The following SMYD3 variants were observed in gnomAD, a reference collection of about 807,000 sequenced individuals.
The protein encoded by SMYD3 is SET and MYND domain containing 3.
In SMYD3, 36 loss-of-function variants were observed where a neutral mutation model predicts 57.7. That is an observed-to-expected ratio of 0.62 (90% CI 0.48 to 0.82). SMYD3 has a LOEUF of 0.82. SMYD3 is among the 40% of genes least tolerant of loss of function. The pLI is 0.00. For missense variants in SMYD3, 515 were observed against 538.8 expected (o/e 0.96, Z 0.44); for synonymous variants, 211 against 195.0 (o/e 1.08, Z -0.68).
At chr1:245,851,589 T>C (rs1187970666) in intron 10 of SMYD3, among the ~76,000 whole-genome samples, 1 of 152,200 alleles carries the variant, frequency 6.6e-6, no homozygotes, top group Non-Finnish European at 1.5e-5. Flanking sequence ...TAAAGCCCCA[T>C]GCCTGCTAGC....
chr1:246,096,282 T>C (rs2060913334), intron 5 of SMYD3: 1 of 152,212 alleles, frequency 6.6e-6, no homozygotes, highest in Non-Finnish European at 1.5e-5. Context: ...GCTTTGTGTC[T>C]TGCGCATCAA....
intron 5 of SMYD3, chr1:246,052,968 G>A (rs1305515875): frequency 6.6e-6 from 1 of 152,328 alleles, no homozygotes; most frequent in East Asian, 1.9e-4. Flanking sequence ...CAGCCTCAGT[G>A]GCTCACGCCT....
intron 5 of SMYD3, chr1:245,930,161 G>GAT: frequency 1.4e-5 from 6 of 440,262 alleles, no homozygotes; most frequent in East Asian, 4.4e-5. Flanking sequence ...AACCTCCTGG[G>GAT]AGAAAAAAAA....
At chr1:245,846,109 G>A (rs1210558736) in intron 10 of SMYD3, among the ~76,000 whole-genome samples, 3 of 152,210 alleles carry the variant, frequency 2.0e-5, no homozygotes, top group Non-Finnish European at 4.4e-5. Flanking sequence ...GGGGGAAGAA[G>A]CTGCTGGAAG....
At chr1:246,147,608 T>G (rs2061871752) in intron 5 of SMYD3, among the ~76,000 whole-genome samples, 1 of 151,650 alleles carries the variant, frequency 6.6e-6, no homozygotes. Flanking sequence ...CCAGGCTTCC[T>G]GCTCTATGGA....
intron 1 of SMYD3, among the ~76,000 whole-genome samples, chr1:246,498,547 T>C (rs192843110): frequency 1.1e-3 from 173 of 152,110 alleles, no homozygotes; most frequent in Admixed American, 1.8e-3. Flanking sequence ...TCCTGGCTAA[T>C]GGTGAAACCC....
At chr1:246,305,172 G>C (rs908530217) in intron 5 of SMYD3, among the ~76,000 whole-genome samples, 2 of 152,158 alleles carry the variant, frequency 1.3e-5, no homozygotes, top group Non-Finnish European at 2.9e-5. Flanking sequence ...AATCCGAAAG[G>C]GTTCGGAGCA....
chr1:245,780,108 G>C (rs1419312593), intron 10 of SMYD3, among the ~76,000 whole-genome samples: 3 of 152,144 alleles, frequency 2.0e-5, no homozygotes. Context: ...TTTGGAAAAT[G>C]ATCTGTCAGT....
intron 2 of SMYD3, among the ~76,000 whole-genome samples, chr1:246,343,435 T>G (rs2065662340): frequency 6.6e-6 from 1 of 152,112 alleles, no homozygotes; most frequent in South Asian, 2.1e-4. Flanking sequence ...TAGCCCCATT[T>G]GAGAGTGAAA....
At chr1:245,791,473 AT>A (rs2047263042) in intron 10 of SMYD3, among the ~76,000 whole-genome samples, 2 of 152,282 alleles carry the variant, frequency 1.3e-5, no homozygotes, top group East Asian at 3.9e-4. Flanking sequence ...TCTGCTAGTA[AT>A]CAAGGTTTAC....
intron 10 of SMYD3, 151 bp from the exon 11 acceptor site, chr1:245,764,300 G>C: frequency 3.3e-6 from 2 of 613,442 alleles, no homozygotes; most frequent in South Asian, 2.0e-5. Context: ...GGAGAATGCA[G>C]TACTGAGGGG....
rs529441035 is a variant in SMYD3 at position 245,927,889 on chromosome 1, G to A, written c.702+42C>T. On this transcript the variant is annotated intron_variant, in intron 7 of 11. Transcript: ENST00000490107. ...GACGGGCCGAGCTGAGAGGGTCTTT[G>A]ATAGGAAAGAAGGCCAGGCTGGGAA... 70 of 1,529,738 alleles carry A rather than the reference G, an allele frequency of 4.6e-5. No homozygotes were observed. In the South Asian group the frequency reaches 7.2e-4, roughly 16 times the overall value. The allele number at this position is 1,529,738 out of a possible 1,614,324, so 94.8% of individuals were successfully genotyped here. A position where few individuals can be genotyped will look rare whatever the true frequency, so the allele number is the denominator to read the frequency against.
At chr1:246,241,878 A>G (rs1463125963) in intron 5 of SMYD3, among the ~76,000 whole-genome samples, 3 of 152,146 alleles carry the variant, frequency 2.0e-5, no homozygotes, top group Admixed American at 2.0e-4. Flanking sequence ...GTTTATTTGC[A>G]TAGAGGTGTT....
chr1:245,809,934 A>G (rs1181526198), intron 10 of SMYD3, among the ~76,000 whole-genome samples: 2 of 152,222 alleles, frequency 1.3e-5, no homozygotes, highest in East Asian at 3.8e-4. Context: ...ACAAAGTCCC[A>G]AGATAAAGAG....
chr1:246,462,604 T>A (rs2067819146), intron 1 of SMYD3, among the ~76,000 whole-genome samples: 1 of 152,150 alleles, frequency 6.6e-6, no homozygotes, highest in Admixed American at 6.5e-5. Flanking sequence ...AGAATCACCA[T>A]CAGGCCATCT....
intron 5 of SMYD3, among the ~76,000 whole-genome samples, chr1:246,045,606 G>T (rs192438148): frequency 0.029 from 4,387 of 152,094 alleles, 212 homozygotes; most frequent in African/African-American, 0.099. Flanking sequence ...AAAAGCAATG[G>T]CAACAAAAGC....
intron 5 of SMYD3, among the ~76,000 whole-genome samples, chr1:246,286,621 A>G (rs1035526128): frequency 1.3e-5 from 2 of 152,198 alleles, no homozygotes; most frequent in South Asian, 2.1e-4. Context: ...ACTTGCCAAT[A>G]TAAATGTAAT....
chr1:246,032,027 T>C (rs1023445891), intron 5 of SMYD3, among the ~76,000 whole-genome samples: 2 of 152,188 alleles, frequency 1.3e-5, no homozygotes, highest in African/African-American at 2.4e-5. Context: ...ACGTGCAATT[T>C]TGTGGCTGTA....
chr1:246,058,435 G>A (rs1441557908), intron 5 of SMYD3, among the ~76,000 whole-genome samples: 1 of 152,184 alleles, frequency 6.6e-6, no homozygotes, highest in Non-Finnish European at 1.5e-5. Flanking sequence ...AAACATGTAT[G>A]GTGGAAACTA....
Sources: gnomAD v4.1 joint callset for allele counts (sites outside exome capture counted in the v4.1 genomes callset) on GRCh38, gnomAD v4.1.1 for gene constraint, MANE v1.5 for transcripts, NCBI Gene and HGNC (gene_info 2026-07-23, HGNC 2026-07-21) for gene names.